The following DPYD variants were observed in gnomAD, a reference collection of about 807,000 sequenced individuals.
DPYD encodes the protein dihydropyrimidine dehydrogenase.
In DPYD, 109 loss-of-function variants were observed where a neutral mutation model predicts 116.2. The ratio of observed to expected loss-of-function variants is 0.94; its 90% confidence interval spans 0.80 to 1.10. The LOEUF is 1.10. Among genes scored for constraint, DPYD ranks in the 50% least tolerant of loss-of-function variants. DPYD has a pLI of 0.00. For synonymous variants in DPYD, 440 were observed against 432.0 expected (o/e 1.02, Z -0.23); for missense variants, 1,302 against 1,254.5 (o/e 1.04, Z -0.57).
At chr1:97,089,545 A>G (rs1183639101) in intron 21 of DPYD, among the ~76,000 whole-genome samples, 1 of 152,132 alleles carries the variant, frequency 6.6e-6, no homozygotes, top group East Asian at 1.9e-4. Flanking sequence ...TCATTGCAGG[A>G]GGCCAGGTTT....
chr1:97,869,433 G>A (rs972233589), intron 2 of DPYD, among the ~76,000 whole-genome samples: 1 of 151,688 alleles, frequency 6.6e-6, no homozygotes, highest in Admixed American at 6.6e-5. Flanking sequence ...TATGTGAGGG[G>A]GTCAGAATGT....
At position 97,078,652 on chromosome 1, in the gene DPYD, A is replaced by T; in HGVS notation, c.*324T>A. ...TCAAATATGGAGCACAGCATAGGGC[A>T]ATTTGGAAACTGTCACACTAATTGC... On this transcript the variant is annotated 3_prime_UTR_variant, in exon 23 of 23. Coordinates refer to ENST00000370192, the MANE Select transcript of DPYD (RefSeq NM_000110.4). 2.8e-6 allele frequency: 1 copy of T among 363,542 alleles called. No homozygotes were observed. The highest frequency in any genetic ancestry group is 2.4e-5 in the South Asian group (1 of 42,022). The allele number at this position is 363,542 out of a possible 1,614,324, so 22.5% of individuals were successfully genotyped here. A position where few individuals can be genotyped will look rare whatever the true frequency, so the allele number is the denominator to read the frequency against.
intron 1 of DPYD, among the ~76,000 whole-genome samples, chr1:97,893,429 C>CATACAT (rs1672875363): frequency 1.4e-5 from 1 of 71,906 alleles, no homozygotes; most frequent in Admixed American, 1.5e-4. Flanking sequence ...ATATCCATCG[C>CATACAT]ATATATATAT....
intron 10 of DPYD, among the ~76,000 whole-genome samples, chr1:97,575,104 T>A (rs1350025028): frequency 4.6e-5 from 7 of 152,094 alleles, no homozygotes; most frequent in Non-Finnish European, 1.0e-4. Context: ...GTTTCTAACT[T>A]TGGAGGGTTA....
intron 20 of DPYD, among the ~76,000 whole-genome samples, chr1:97,184,693 T>C (rs1280020420): frequency 6.6e-6 from 1 of 152,168 alleles, no homozygotes; most frequent in Non-Finnish European, 1.5e-5. Flanking sequence ...TTGTTCCAAT[T>C]GTTCATGTAG....
intron 13 of DPYD, among the ~76,000 whole-genome samples, chr1:97,452,375 G>A (rs1676465613): frequency 6.6e-6 from 1 of 152,112 alleles, no homozygotes; most frequent in African/African-American, 2.4e-5. Context: ...TTCCAGCCTG[G>A]CCTTTAGTGG....
intron 16 of DPYD, among the ~76,000 whole-genome samples, chr1:97,336,906 G>A (rs1415878950): frequency 6.6e-6 from 1 of 152,146 alleles, no homozygotes; most frequent in African/African-American, 2.4e-5. Flanking sequence ...AAAATACAAT[G>A]TTAAAGAGGT....
chr1:97,135,652 A>C (rs1653729981), intron 20 of DPYD, among the ~76,000 whole-genome samples: 1 of 152,154 alleles, frequency 6.6e-6, no homozygotes, highest in South Asian at 2.1e-4. Context: ...ACTAAATATT[A>C]ATTTTTAAAA....
chr1:97,176,868 A>ATGTG (rs10677535), intron 20 of DPYD, among the ~76,000 whole-genome samples: 16,203 of 146,530 alleles, frequency 0.11, 1,057 homozygotes, highest in African/African-American at 0.17. Flanking sequence ...GGACAAAAAA[A>ATGTG]TGTGTGTGTG....
At chr1:97,705,085 TAC>T (rs1466308115) in intron 5 of DPYD, among the ~76,000 whole-genome samples, 1 of 152,008 alleles carries the variant, frequency 6.6e-6, no homozygotes, top group Non-Finnish European at 1.5e-5. Flanking sequence ...CAGGTTCACA[TAC>T]AAAAGATTTT....
At chr1:97,487,565 C>A (rs922207033) in intron 13 of DPYD, among the ~76,000 whole-genome samples, 5 of 151,924 alleles carry the variant, frequency 3.3e-5, no homozygotes, top group Admixed American at 3.3e-4. Context: ...CCCAGCTACT[C>A]GGGAGGCTGA....
At chr1:97,470,909 G>A (rs908137044) in intron 13 of DPYD, among the ~76,000 whole-genome samples, 1 of 152,076 alleles carries the variant, frequency 6.6e-6, no homozygotes, top group Non-Finnish European at 1.5e-5. Flanking sequence ...AGAATAGCTT[G>A]AACCCAGGAG....
At chr1:97,131,698 A>T (rs1299420590) in intron 20 of DPYD, among the ~76,000 whole-genome samples, 1 of 152,132 alleles carries the variant, frequency 6.6e-6, no homozygotes, top group Non-Finnish European at 1.5e-5. Context: ...CTCAATACAG[A>T]GGTGAAATCA....
intron 12 of DPYD, among the ~76,000 whole-genome samples, chr1:97,517,263 G>A (rs1036523603): frequency 1.3e-5 from 2 of 151,948 alleles, no homozygotes; most frequent in African/African-American, 4.8e-5. Flanking sequence ...TGGTTAGTCT[G>A]GGTGTGAACA....
In DPYD at chr1:97,573,798, A is replaced by G. The variant is rs779465366; in HGVS notation, c.1301T>C (p.Val434Ala). 1.9e-6 allele frequency: 3 copies of G among 1,613,656 alleles called. No individual in the cohort carries two copies. The South Asian group carries it at 3.3e-5, about 18-fold the overall frequency. ...CAGAACTGAACCAAAGGCACTGATGACCACATCGGCTTTCAGATGGACCAT... is the reference window on the plus strand; with the variant it reads ...CAGAACTGAACCAAAGGCACTGATGGCCACATCGGCTTTCAGATGGACCAT... ...DQMVHLKADV[V>A]ISAFGSVLSD... The change falls in exon 11 of 23, where the codon GTC becomes GCC. Residue 434 changes from valine to alanine, a missense_variant. Coordinates refer to ENST00000370192, the MANE Select transcript of DPYD (RefSeq NM_000110.4).
At chr1:97,339,167 T>TA (rs1669462659) in intron 16 of DPYD, among the ~76,000 whole-genome samples, 2 of 152,076 alleles carry the variant, frequency 1.3e-5, no homozygotes, top group Admixed American at 1.3e-4. Context: ...AAATAAGTGA[T>TA]TTAGAGGAAG....
At chr1:97,407,470 G>A (rs1673729956) in intron 14 of DPYD, among the ~76,000 whole-genome samples, 1 of 152,078 alleles carries the variant, frequency 6.6e-6, no homozygotes, top group African/African-American at 2.4e-5. Context: ...TTAGGCAACG[G>A]ATGGCAAACT....
intron 11 of DPYD, among the ~76,000 whole-genome samples, chr1:97,550,468 C>A (rs571971384): frequency 6.6e-6 from 1 of 152,168 alleles, no homozygotes; most frequent in Non-Finnish European, 1.5e-5. Flanking sequence ...AGCTGTGTTT[C>A]TTTAAGAAAA....
At chr1:97,694,252 T>A (rs2100958181) in intron 6 of DPYD, among the ~76,000 whole-genome samples, 1 of 152,294 alleles carries the variant, frequency 6.6e-6, no homozygotes, top group Middle Eastern at 3.4e-3. Context: ...TTGGTTACAG[T>A]CAAGTAGGTA....
Sources: allele counts gnomAD v4.1 joint callset (sites outside exome capture counted in the v4.1 genomes callset), GRCh38; gene constraint gnomAD v4.1.1; transcripts MANE v1.5; gene names NCBI Gene and HGNC (gene_info 2026-07-23, HGNC 2026-07-21).